Variants in SLC28A3 observed in about 807,000 individuals in gnomAD.
SLC28A3 encodes solute carrier family 28 member 3, also known as concentrative Na(+)-nucleoside cotransporter 3.
A neutral mutation model predicts 84.2 loss-of-function variants in SLC28A3; 68 were observed. The ratio of observed to expected loss-of-function variants is 0.81; its 90% CI spans 0.66 to 0.99. SLC28A3 has a LOEUF of 0.99. SLC28A3 is among the 50% of genes least tolerant of loss of function. SLC28A3 has a pLI of 0.00. For synonymous variants in SLC28A3, 267 were observed against 303.6 expected (o/e 0.88, Z 1.25); for missense variants, 712 against 841.5 (o/e 0.85, Z 1.90).
chr9:84,313,554 CA>C, intron 1 of SLC28A3, 100 bp from the exon 2 acceptor site: 1 of 906,554 alleles, frequency 1.1e-6, no homozygotes, highest in Non-Finnish European at 1.7e-6. Flanking sequence ...ATGAGACAAA[CA>C]AAGATTAGGT....
At chr9:84,349,619 C>A in the SLC28A3 span, among the ~76,000 whole-genome samples, 2 of 152,182 alleles carry the variant, frequency 1.3e-5, no homozygotes, top group Non-Finnish European at 2.9e-5. Flanking sequence ...CATACACTCA[C>A]GGGTCCATGG....
Position 84,288,104 on chromosome 9 carries a change from C to A in SLC28A3, c.1224G>T (p.Trp408Cys). ...PASLAAAKLFWPETEKPKITL... is the reference protein window; with the variant it reads ...PASLAAAKLFCPETEKPKITL... ...TTATTTTAGGTTTTTCTGTCTCAGGCCAAAAGAGTTTAGCAGCAGCCAATG... is the reference window on the plus strand; with the variant it reads ...TTATTTTAGGTTTTTCTGTCTCAGGACAAAAGAGTTTAGCAGCAGCCAATG... Residue 408 changes from tryptophan (W) to cysteine (C), a missense_variant, in exon 12 of 18, where the codon TGG (tryptophan) becomes TGT (cysteine). Transcript: ENST00000376238. The A allele has an allele frequency of 1.2e-6, 2 of 1,613,982 alleles. No individual in the cohort carries two copies. Among genetic ancestry groups the A allele is most frequent in the Non-Finnish European group, 1.7e-6 (2 of 1,179,954 alleles).
Position 84,324,197 on chromosome 9 carries a change from G to A in SLC28A3, c.61-10743C>T, listed in dbSNP as rs114988098. 2.4e-3 allele frequency among the ~76,000 whole-genome samples: 358 copies of A among 152,252 alleles called. 2 individuals carry two copies. Among genetic ancestry groups the A allele is most frequent in the African/African-American group, 7.9e-3 (327 of 41,552 alleles). ...TGCTCCCAACTTGTTTTATCTGTAT[G>A]GGTCAGATCCTTGATTAAGCAATTT... On this transcript the variant is annotated intron_variant, in intron 1 of 17. Coordinates refer to ENST00000376238, the MANE Select transcript of SLC28A3 (RefSeq NM_001199633.2).
chr9:84,284,884 C>G (rs772416620), intron 14 of SLC28A3, among the ~76,000 whole-genome samples: 2 of 152,184 alleles, frequency 1.3e-5, no homozygotes, highest in Non-Finnish European at 2.9e-5. Context: ...TACTTTTGGA[C>G]AGTTTCTCAG....
At chr9:84,327,655 G>C (rs939695500) in intron 1 of SLC28A3, among the ~76,000 whole-genome samples, 8 of 151,960 alleles carry the variant, frequency 5.3e-5, no homozygotes, top group Non-Finnish European at 1.0e-4. Flanking sequence ...GGATGGGTGC[G>C]GTGGCTAATG....
At chr9:84,320,730 C>T (rs1826347005) in intron 1 of SLC28A3, among the ~76,000 whole-genome samples, 1 of 152,082 alleles carries the variant, frequency 6.6e-6, no homozygotes, top group African/African-American at 2.4e-5. Context: ...TGGCTCACAC[C>T]TGTAATCCTA....
intron 2 of SLC28A3, 95 bp from the exon 3 acceptor site, chr9:84,309,809 C>G (rs2118393038): frequency 1.1e-6 from 1 of 922,378 alleles, no homozygotes; most frequent in East Asian, 2.5e-5. Context: ...AAAGAACTTT[C>G]AATAGGTCCT....
rs557415549 is a variant in SLC28A3, at chr9:84,337,444, G to A, written c.60+3130C>T. Among the ~76,000 whole-genome samples the A allele has an allele frequency of 3.5e-3, 539 of 152,080 alleles. 2 individuals are homozygous for A. Among genetic ancestry groups the A allele is most frequent in the African/African-American group, 0.012 (503 of 41,466 alleles). On this transcript the variant is annotated intron_variant, in intron 1 of 17. Coordinates refer to ENST00000376238, the MANE Select transcript of SLC28A3 (RefSeq NM_001199633.2). ...TGGGGATGCTAGCCTGTGTGTGTGC[G>A]CGCGCGTGTGTGTATGCGTATGTGG...
At chr9:84,286,755 A>G (rs1023676095) in intron 12 of SLC28A3, among the ~76,000 whole-genome samples, 11 of 152,150 alleles carry the variant, frequency 7.2e-5, no homozygotes, top group African/African-American at 2.7e-4. Context: ...CCATCACCTC[A>G]TTTAAAAATG....
chr9:84,283,432 G>T (rs920304940), intron 14 of SLC28A3, among the ~76,000 whole-genome samples: 38 of 152,230 alleles, frequency 2.5e-4, no homozygotes, highest in African/African-American at 9.2e-4. Context: ...CTATACAATA[G>T]AATACTATGT....
intron 3 of SLC28A3, among the ~76,000 whole-genome samples, chr9:84,307,438 A>ACAAAAAAC (rs1825837078): frequency 3.0e-5 from 3 of 98,946 alleles, no homozygotes; most frequent in East Asian, 6.3e-4. Context: ...CTCAAAAAAA[A>ACAAAAAAC]AAAAAAACAA....
chr9:84,292,759 G>T lies in SLC28A3; in HGVS notation c.943-11C>A, dbSNP rs1825289550. 1 of 1,540,092 alleles carries T rather than the reference G, an allele frequency of 6.5e-7. No individual in the cohort carries two copies. On this transcript the variant is annotated splice_polypyrimidine_tract_variant and intron_variant, in intron 9 of 17. Transcript: ENST00000376238. ...CATGATCCATCCAACCTAAAAGGAA[G>T]AAAGGGACAAAGTCAGCAAAGAACT...
chr9:84,305,717 C>T (rs12685409), intron 3 of SLC28A3, among the ~76,000 whole-genome samples: 14,319 of 152,168 alleles, frequency 0.094, 731 homozygotes, highest in African/African-American at 0.13. Flanking sequence ...ATGTTTATTA[C>T]GTGTTTATTG....
chr9:84,318,981 T>C (rs1408467047), intron 1 of SLC28A3, among the ~76,000 whole-genome samples: 1 of 152,170 alleles, frequency 6.6e-6, no homozygotes, highest in African/African-American at 2.4e-5. Context: ...AAAAGAGAGT[T>C]AGTACATTTT....
chr9:84,344,755 A>T (rs1223045575), upstream of SLC28A3, among the ~76,000 whole-genome samples: 1 of 152,156 alleles, frequency 6.6e-6, no homozygotes, highest in African/African-American at 2.4e-5. Flanking sequence ...ACCAATTGTC[A>T]ACCAGAAAAT....
chr9:84,351,992 G>C, the SLC28A3 span, among the ~76,000 whole-genome samples: 14 of 151,856 alleles, frequency 9.2e-5, 1 homozygote, highest in African/African-American at 3.4e-4. Context: ...ATTATTCTTG[G>C]ATCTTTTCTA....
intron 9 of SLC28A3, among the ~76,000 whole-genome samples, chr9:84,293,729 A>C (rs1825318458): frequency 6.6e-5 from 10 of 152,210 alleles, no homozygotes; most frequent in Admixed American, 6.5e-4. Flanking sequence ...AAACTCCCTC[A>C]GGAGTGAAAA....
In SLC28A3 at chr9:84,327,925, CAA is replaced by C. The variant is rs60624658; in HGVS notation, c.60+12647_60+12648del. On this transcript the variant is annotated intron_variant, in intron 1 of 17. Coordinates refer to ENST00000376238, the MANE Select transcript of SLC28A3 (RefSeq NM_001199633.2). ...TGGGCAACAGAGCAAGACTCCATTT[CAA>C]AAAAAAAAAAAAAAAGAAAGAAAAA... Among the ~76,000 whole-genome samples the C allele has an allele frequency of 5.4e-3, 583 of 107,316 alleles. 4 individuals are homozygous for C. Among genetic ancestry groups the C allele is most frequent in the African/African-American group, 0.021 (561 of 26,604 alleles). The allele number at this position is 107,316 out of a possible 152,430, so 70.4% of individuals were successfully genotyped here.
chr9:84,338,739 T>C (rs1251293073), intron 1 of SLC28A3, among the ~76,000 whole-genome samples: 1 of 152,162 alleles, frequency 6.6e-6, no homozygotes, highest in Non-Finnish European at 1.5e-5. Context: ...TTCCATCCTT[T>C]CCATTCTCTG....
Sources: gnomAD v4.1 joint callset for allele counts (sites outside exome capture counted in the v4.1 genomes callset) on GRCh38, gnomAD v4.1.1 for gene constraint, MANE v1.5 for transcripts, NCBI Gene and HGNC (gene_info 2026-07-23, HGNC 2026-07-21) for gene names.